PCDH15: variants seen among roughly 807,000 people sequenced by gnomAD.
PCDH15 encodes the protein protocadherin-15.
A neutral mutation model predicts 178.5 loss-of-function variants in PCDH15; 129 were observed. The ratio of observed to expected loss-of-function variants is 0.72; its 90% CI spans 0.63 to 0.84. The LOEUF (loss-of-function observed/expected upper bound fraction) is 0.84. Among genes scored for constraint, PCDH15 ranks in the 40% least tolerant of loss-of-function variants. PCDH15 has a pLI of 0.00. For missense variants in PCDH15, 2,230 were observed against 2,099.9 expected (o/e 1.06, Z -1.21); for synonymous variants, 800 against 732.0 (o/e 1.09, Z -1.50).
At chr10:55,549,481 A>C (rs1047671605) in intron 2 of PCDH15, among the ~76,000 whole-genome samples, 3 of 152,162 alleles carry the variant, frequency 2.0e-5, no homozygotes, top group African/African-American at 7.2e-5. Flanking sequence ...AGCATTATGC[A>C]TCTAGCAGGG....
chr10:55,480,288 G>C (rs931160271), intron 2 of PCDH15, among the ~76,000 whole-genome samples: 1 of 151,640 alleles, frequency 6.6e-6, no homozygotes, highest in African/African-American at 2.4e-5. Context: ...GGAATAGCTT[G>C]ACTTCCTCCC....
chr10:54,514,356 T>C (rs2081999940), intron 3 of PCDH15, among the ~76,000 whole-genome samples: 1 of 152,086 alleles, frequency 6.6e-6, no homozygotes, highest in Non-Finnish European at 1.5e-5. Flanking sequence ...AAAGACTTTA[T>C]ACAAAATAGT....
chr10:54,215,323 C>A (rs2051893856), intron 9 of PCDH15, among the ~76,000 whole-genome samples: 1 of 136,148 alleles, frequency 7.3e-6, no homozygotes, highest in Non-Finnish European at 1.6e-5. Flanking sequence ...AAGGGAAATT[C>A]TACTGGGCAG....
In PCDH15 at chr10:54,153,290, T is replaced by G. The variant is rs765239548; in HGVS notation, c.1594A>C (p.Thr532Pro). The stretch of plus-strand genomic sequence containing the variant: ...GACCCTTCGTCTGCGTCGACTGCAG[T>G]GAGCTGGAATTGAAAATCACAACAT... The part of the protein sequence containing the change: ...MRPGDSVIQL[T>P]AVDADEGSNG... Residue 532 changes from threonine (T) to proline (P), a missense_variant, in exon 14 of 38, where the codon ACT becomes CCT. Transcript: ENST00000644397. 1 of 1,613,748 alleles carries G rather than the reference T, an allele frequency of 6.2e-7. No homozygotes were observed. Among genetic ancestry groups the G allele is most frequent in the Non-Finnish European group, 8.5e-7 (1 of 1,179,796 alleles).
intron 3 of PCDH15, among the ~76,000 whole-genome samples, chr10:54,865,332 C>A (rs1056330997): frequency 6.6e-6 from 1 of 152,096 alleles, no homozygotes. Flanking sequence ...ACTCTCTGGT[C>A]TTTGGAGTCT....
chr10:54,113,639 G>GACACACACACACACACAC lies in PCDH15; in HGVS notation c.1917+19218_1917+19235dup, dbSNP rs57193886. On this transcript the variant is annotated intron_variant, in intron 15 of 37. Transcript: ENST00000644397. ...CTCTACCGGTCCTTCTCCCAACACA[G>GACACACACACACACACAC]ACACACACACACACACACACGCACA... Among the ~76,000 whole-genome samples, 54 of 149,840 alleles carry GACACACACACACACACAC rather than the reference G, an allele frequency of 3.6e-4. 1 individual carries two copies. Among genetic ancestry groups the GACACACACACACACACAC allele is most frequent in the African/African-American group, 1.1e-3 (46 of 40,514 alleles).
At chr10:55,160,089 T>C (rs1839021981) in intron 2 of PCDH15, among the ~76,000 whole-genome samples, 1 of 152,070 alleles carries the variant, frequency 6.6e-6, no homozygotes, top group Admixed American at 6.6e-5. Context: ...TCTGTTTCGC[T>C]ACCAGTGAGA....
chr10:55,105,463 A>C (rs1196343549), intron 2 of PCDH15, among the ~76,000 whole-genome samples: 2 of 152,188 alleles, frequency 1.3e-5, no homozygotes, highest in Admixed American at 1.3e-4. Context: ...GCAAATACTA[A>C]TACAACTTAA....
At chr10:54,602,505 C>T (rs962035390) in intron 2 of PCDH15, among the ~76,000 whole-genome samples, 1 of 151,762 alleles carries the variant, frequency 6.6e-6, no homozygotes, top group Non-Finnish European at 1.5e-5. Flanking sequence ...TATCATTGTT[C>T]TTGACTAGAA....
chr10:54,584,697 C>T (rs1257571050), intron 2 of PCDH15, among the ~76,000 whole-genome samples: 1 of 152,092 alleles, frequency 6.6e-6, no homozygotes, highest in Non-Finnish European at 1.5e-5. Context: ...TAACCCAGTT[C>T]ATCCCTCTAA....
chr10:55,351,814 C>A (rs1285397786), intron 2 of PCDH15, among the ~76,000 whole-genome samples: 3 of 152,118 alleles, frequency 2.0e-5, no homozygotes, highest in Admixed American at 2.0e-4. Flanking sequence ...GTAATTTAAT[C>A]TTCTCCTAAG....
intron 2 of PCDH15, among the ~76,000 whole-genome samples, chr10:55,430,020 C>T (rs1397977259): frequency 6.6e-6 from 1 of 151,960 alleles, no homozygotes; most frequent in African/African-American, 2.4e-5. Flanking sequence ...TAAATGAAAT[C>T]AAGATTCACC....
At chr10:55,309,803 C>A (rs1298534544) in intron 1 of PCDH15, among the ~76,000 whole-genome samples, 1 of 152,154 alleles carries the variant, frequency 6.6e-6, no homozygotes, top group Non-Finnish European at 1.5e-5. Flanking sequence ...TCCACCATGT[C>A]CCACTTCAGG....
At chr10:54,998,851 T>C (rs987358082) in intron 2 of PCDH15, among the ~76,000 whole-genome samples, 1 of 152,166 alleles carries the variant, frequency 6.6e-6, no homozygotes, top group African/African-American at 2.4e-5. Flanking sequence ...TTTGTAGACT[T>C]AAAGATATTC....
At chr10:54,825,208 AT>A (rs1395322977) in intron 3 of PCDH15, among the ~76,000 whole-genome samples, 2 of 151,574 alleles carry the variant, frequency 1.3e-5, no homozygotes, top group African/African-American at 2.4e-5. Flanking sequence ...TGAACTCATC[AT>A]TTTTTATGGC....
intron 2 of PCDH15, among the ~76,000 whole-genome samples, chr10:55,129,273 A>G (rs1837981955): frequency 6.6e-6 from 1 of 152,108 alleles, no homozygotes; most frequent in African/African-American, 2.4e-5. Context: ...CTCATGAGCA[A>G]TTGTCTCCTA....
chr10:54,654,851 T>C (rs182177100), intron 2 of PCDH15: 1 of 152,160 alleles, frequency 6.6e-6, no homozygotes, highest in Non-Finnish European at 1.5e-5. Flanking sequence ...ATATTATTGA[T>C]TTTATATGCA....
chr10:54,568,277 G>C (rs1241484882), intron 2 of PCDH15, among the ~76,000 whole-genome samples: 3 of 151,792 alleles, frequency 2.0e-5, no homozygotes, highest in Non-Finnish European at 4.4e-5. Context: ...TTTAGTTCCT[G>C]TCTCTACTCA....
At chr10:54,176,483 G>A (rs1296400790) in intron 13 of PCDH15, among the ~76,000 whole-genome samples, 1 of 152,090 alleles carries the variant, frequency 6.6e-6, no homozygotes, top group African/African-American at 2.4e-5. Flanking sequence ...GCTCTCAATA[G>A]TTACAGAATA....
Sources: allele counts gnomAD v4.1 joint callset (sites outside exome capture counted in the v4.1 genomes callset), GRCh38; gene constraint gnomAD v4.1.1; transcripts MANE v1.5; gene names NCBI Gene and HGNC (gene_info 2026-07-23, HGNC 2026-07-21).